GPM6A: variants seen among roughly 807,000 people sequenced by gnomAD.
GPM6A encodes the protein glycoprotein M6A.
Under a neutral mutation model 32.1 loss-of-function variants are expected in GPM6A, and 7 were observed. The observed-to-expected ratio is 0.22, with a 90% CI of 0.12 to 0.41. The LOEUF (loss-of-function observed/expected upper bound fraction) is 0.41. Among genes scored for constraint, GPM6A ranks in the 10% least tolerant of loss-of-function variants. The pLI is 1.00. For synonymous variants in GPM6A, 130 were observed against 123.4 expected (o/e 1.05, Z -0.35); for missense variants, 235 against 347.2 (o/e 0.68, Z 2.57).
At chr4:175,762,450 G>T (rs1732785945) in intron 1 of GPM6A, among the ~76,000 whole-genome samples, 1 of 152,038 alleles carries the variant, frequency 6.6e-6, no homozygotes, top group Non-Finnish European at 1.5e-5. Flanking sequence ...GAAGCCATAG[G>T]GGTAAATTCA....
chr4:175,821,072 C>T (rs1248823543), intron 1 of GPM6A, among the ~76,000 whole-genome samples: 1 of 152,100 alleles, frequency 6.6e-6, no homozygotes, highest in Non-Finnish European at 1.5e-5. Flanking sequence ...TGTTAAAAAG[C>T]CCTTCAAAGT....
chr4:175,966,337 G>A (rs1740333932), intron 1 of GPM6A, among the ~76,000 whole-genome samples: 1 of 151,934 alleles, frequency 6.6e-6, no homozygotes, highest in Non-Finnish European at 1.5e-5. Flanking sequence ...ATGAGGTGAA[G>A]GTTGCAGTGA....
chr4:175,811,920 C>G (rs1734934695), intron 1 of GPM6A: 2 of 292,492 alleles, frequency 6.8e-6, no homozygotes, highest in Non-Finnish European at 1.3e-5. Flanking sequence ...TTAACAAAGA[C>G]TGGTCTAAGG....
At chr4:175,828,585 G>A (rs549100843) in intron 1 of GPM6A, among the ~76,000 whole-genome samples, 1 of 152,218 alleles carries the variant, frequency 6.6e-6, no homozygotes, top group East Asian at 1.9e-4. Context: ...AATGCAAAGA[G>A]TTTTTAATTA....
chr4:175,929,318 C>T (rs1174411432), intron 1 of GPM6A, among the ~76,000 whole-genome samples: 3 of 152,190 alleles, frequency 2.0e-5, no homozygotes, highest in Non-Finnish European at 4.4e-5. Context: ...AAAACTAAGC[C>T]TCATAATGAA....
intron 1 of GPM6A, among the ~76,000 whole-genome samples, chr4:175,853,670 A>G (rs1222469958): frequency 1.3e-5 from 2 of 152,102 alleles, no homozygotes; most frequent in East Asian, 3.8e-4. Flanking sequence ...TCAAAACAAA[A>G]AAGGAAAGGA....
At chr4:175,958,319 A>T (rs1387441042) in intron 1 of GPM6A, among the ~76,000 whole-genome samples, 1 of 152,240 alleles carries the variant, frequency 6.6e-6, no homozygotes, top group Admixed American at 6.5e-5. Flanking sequence ...AATGGTAGCC[A>T]ATGAAAGAAT....
At chr4:175,981,082 AG>A (rs1740802833) in intron 1 of GPM6A, among the ~76,000 whole-genome samples, 1 of 152,208 alleles carries the variant, frequency 6.6e-6, no homozygotes, top group South Asian at 2.1e-4. Context: ...AAGCAGGAAT[AG>A]GGAAAGTGTT....
intron 1 of GPM6A, among the ~76,000 whole-genome samples, chr4:175,719,128 AT>A (rs1392515322): frequency 6.6e-6 from 1 of 152,064 alleles, no homozygotes. Context: ...TTAAAAAAAC[AT>A]TTTTTAAGAA....
In GPM6A at chr4:175,793,690, C is replaced by G. The variant is rs144248972; in HGVS notation, c.37+18501G>C. Among the ~76,000 whole-genome samples the G allele has an allele frequency of 4.1e-3, 621 of 152,238 alleles. 1 individual carries two copies. The highest frequency in any genetic ancestry group is 0.013 in the African/African-American group (560 of 41,550). On this transcript the variant is annotated intron_variant, in intron 1 of 6. Transcript: ENST00000393658. ...TGTACCCGGCCAAGATCCATGAATT[C>G]TTCTGCACATCAGACACTACTTATA...
intron 1 of GPM6A, among the ~76,000 whole-genome samples, chr4:175,868,006 A>C (rs1736793183): frequency 6.6e-6 from 1 of 152,218 alleles, no homozygotes; most frequent in South Asian, 2.1e-4. Flanking sequence ...TTACTGTGGG[A>C]ACCAGGTCCA....
intron 1 of GPM6A, among the ~76,000 whole-genome samples, chr4:175,720,742 A>C (rs1746074735): frequency 1.3e-5 from 2 of 152,250 alleles, no homozygotes; most frequent in African/African-American, 4.8e-5. Context: ...TAAAATGTCT[A>C]CCCTTCAGTT....
intron 1 of GPM6A, among the ~76,000 whole-genome samples, chr4:175,759,306 C>G (rs963105493): frequency 1.4e-4 from 21 of 151,376 alleles, no homozygotes; most frequent in African/African-American, 5.1e-4. Flanking sequence ...ACGGGGGGGG[C>G]AAGAGAAAAT....
intron 1 of GPM6A, among the ~76,000 whole-genome samples, chr4:175,938,438 C>T (rs6826656): frequency 0.061 from 9,248 of 152,096 alleles, 882 homozygotes; most frequent in African/African-American, 0.21. Flanking sequence ...TTTTAATGAT[C>T]GCCATTCTAA....
rs1031908721 is a variant in GPM6A, at chr4:175,969,063, G to A, written c.-23+33246C>T. Among the ~76,000 whole-genome samples the A allele has an allele frequency of 5.9e-5, 9 of 152,092 alleles. 1 individual carries two copies. Among genetic ancestry groups the A allele is most frequent in the Non-Finnish European group, 2.9e-5 (2 of 68,012 alleles). ...ATAAATTGTAGCACTTCCATGCAAT[G>A]TAATGTTTTACAACAATAAAAAGTA... On this transcript the variant is annotated intron_variant, in intron 1 of 7. Coordinates refer to the GPM6A transcript ENST00000280187.
intron 1 of GPM6A, among the ~76,000 whole-genome samples, chr4:175,819,118 C>T (rs1445587462): frequency 6.6e-6 from 1 of 152,116 alleles, no homozygotes; most frequent in Non-Finnish European, 1.5e-5. Flanking sequence ...TTATGTTTCC[C>T]ATAAAACATG....
At chr4:175,904,210 C>G (rs1449115474) in intron 1 of GPM6A, among the ~76,000 whole-genome samples, 1 of 151,964 alleles carries the variant, frequency 6.6e-6, no homozygotes, top group Non-Finnish European at 1.5e-5. Context: ...CTATTTACAA[C>G]CCATATTTAT....
intron 1 of GPM6A, among the ~76,000 whole-genome samples, chr4:175,924,977 G>T (rs1340927329): frequency 6.6e-6 from 1 of 151,890 alleles, no homozygotes; most frequent in Non-Finnish European, 1.5e-5. Flanking sequence ...AAGAACATTA[G>T]TTCTTAAGTT....
rs140036334 is a variant in GPM6A, at chr4:175,670,335, C to T, written c.387+3345G>A. Among the ~76,000 whole-genome samples the T allele has an allele frequency of 1.4e-3, 214 of 152,058 alleles. 3 individuals are homozygous for T. The East Asian group carries it at 0.037, about 26-fold the overall frequency. On this transcript the variant is annotated intron_variant, in intron 3 of 6. Coordinates refer to ENST00000393658, the MANE Select transcript of GPM6A (RefSeq NM_201591.3). ...TCCATAATGATGTCACAGTAGCAAT[C>T]GGAAATTTGTAGAAATAAGAAAATT...
Sources: gnomAD v4.1 joint callset for allele counts (sites outside exome capture counted in the v4.1 genomes callset) on GRCh38, gnomAD v4.1.1 for gene constraint, MANE v1.5 for transcripts, NCBI Gene and HGNC (gene_info 2026-07-23, HGNC 2026-07-21) for gene names.